The following AGAP1 variants were observed in gnomAD, a reference collection of about 807,000 sequenced individuals.
AGAP1 encodes arf-GAP with GTPase, ANK repeat and PH domain-containing protein 1.
A neutral mutation model predicts 105.3 loss-of-function variants in AGAP1; 29 were observed. That is an observed-to-expected ratio of 0.28 (90% CI 0.21 to 0.38). The LOEUF is 0.38. Among genes scored for constraint, AGAP1 ranks in the 10% least tolerant of loss-of-function variants. The pLI is 1.00. For synonymous variants in AGAP1, 509 were observed against 485.9 expected (o/e 1.05, Z -0.63); for missense variants, 998 against 1,165.1 (o/e 0.86, Z 2.09).
At chr2:235,955,417 G>A (rs1027099446) in intron 12 of AGAP1, among the ~76,000 whole-genome samples, 3 of 152,122 alleles carry the variant, frequency 2.0e-5, no homozygotes, top group African/African-American at 7.2e-5. Context: ...CGGCTCAGCA[G>A]CATGTATCCA....
intron 10 of AGAP1, among the ~76,000 whole-genome samples, chr2:235,895,046 A>G (rs1481492299): frequency 6.6e-6 from 1 of 152,184 alleles, no homozygotes; most frequent in South Asian, 2.1e-4. Flanking sequence ...TTCATCCAGA[A>G]TGACGCCAGA....
chr2:235,779,358 C>T (rs1299377818), intron 6 of AGAP1, among the ~76,000 whole-genome samples: 3 of 152,154 alleles, frequency 2.0e-5, no homozygotes, highest in Non-Finnish European at 2.9e-5. Context: ...TGAGGGGCCT[C>T]GGCCACTCTT....
chr2:235,643,021 G>T (rs1427955264), intron 1 of AGAP1, among the ~76,000 whole-genome samples: 3 of 152,096 alleles, frequency 2.0e-5, no homozygotes, highest in Non-Finnish European at 4.4e-5. Flanking sequence ...CTTGGGAGGA[G>T]AAAATACACA....
In AGAP1 at chr2:236,001,313, G is replaced by A. The variant is rs1319615366; in HGVS notation, c.1645+32690G>A. 2.0e-5 allele frequency among the ~76,000 whole-genome samples: 3 copies of A among 152,214 alleles called. No homozygotes were observed. Among genetic ancestry groups the A allele is most frequent in the Non-Finnish European group, 4.4e-5 (3 of 68,042 alleles). ...CCCAGAGGAGGAAACGCATTTTTGTGGTTTCACGCCACCCAGCGTGCGGTG... is the reference window on the plus strand; with the variant it reads ...CCCAGAGGAGGAAACGCATTTTTGTAGTTTCACGCCACCCAGCGTGCGGTG... On this transcript the variant is annotated intron_variant, in intron 13 of 17. Coordinates refer to ENST00000304032, the MANE Select transcript of AGAP1 (RefSeq NM_001037131.3). This position sits in a 1 kb window ranked among gnomAD's most constrained non-coding sequence, Gnocchi z 4.7.
At position 235,843,341 on chromosome 2, in the gene AGAP1, C is replaced by T. The variant is rs565444031; in HGVS notation, c.1050+36010C>T. 1.2e-4 allele frequency among the ~76,000 whole-genome samples: 19 copies of T among 152,256 alleles called. No homozygotes were observed. The South Asian group carries it at 2.3e-3, about 18-fold the overall frequency. ...TCTTTCCTTCCCTCCCTCTGTCCCA[C>T]GCTGTGTCCCTTTCTCTTCCTTTCT... On this transcript the variant is annotated intron_variant, in intron 9 of 17. Coordinates refer to ENST00000304032, the MANE Select transcript of AGAP1 (RefSeq NM_001037131.3). The surrounding 1 kb of genome is among the most constrained non-coding windows in gnomAD (Gnocchi z 5.9).
rs923115571 is a variant in AGAP1 at position 235,701,842 on chromosome 2, C to T, written c.164-7337C>T. Reference sequence around the variant, plus strand: ...CAGGCTGTGGCAGCCACAGCCTCCTCCGATGCTCCTCTCCTCTGTGGATGT... The same window carrying T: ...CAGGCTGTGGCAGCCACAGCCTCCTTCGATGCTCCTCTCCTCTGTGGATGT... On this transcript the variant is annotated intron_variant, in intron 1 of 17. Transcript: ENST00000304032. This position sits in a 1 kb window ranked among gnomAD's most constrained non-coding sequence, Gnocchi z 4.1. Among the ~76,000 whole-genome samples, 1 of 152,120 alleles carries T rather than the reference C, an allele frequency of 6.6e-6. No individual in the cohort carries two copies. The highest frequency in any genetic ancestry group is 1.5e-5 in the Non-Finnish European group (1 of 68,032).
At chr2:235,594,994 G>A (rs958102095) in intron 1 of AGAP1, among the ~76,000 whole-genome samples, 1 of 151,458 alleles carries the variant, frequency 6.6e-6, no homozygotes, top group Non-Finnish European at 1.5e-5. Context: ...CACCAGGCTG[G>A]CACTGGCAAG....
In AGAP1 at chr2:236,127,270, TCCCCC is replaced by T. The variant is rs2060018362; in HGVS notation, c.*3149_*3153del. On this transcript the variant is annotated 3_prime_UTR_variant, in exon 18 of 18. Coordinates refer to ENST00000304032, the MANE Select transcript of AGAP1 (RefSeq NM_001037131.3). This position sits in a 1 kb window ranked among gnomAD's most constrained non-coding sequence, Gnocchi z 6.6. The stretch of plus-strand genomic sequence containing the variant: ...CAGGTGCTGGGACGGGCAGATGGTT[TCCCCC>T]GCCCAGCACCCCAGTCCTGGTCCCT... 6.6e-6 allele frequency: 1 copy of T among 152,126 alleles called. No individual in the cohort carries two copies. Among genetic ancestry groups the T allele is most frequent in the African/African-American group, 2.4e-5 (1 of 41,434 alleles). The allele number at this position is 152,126 out of a possible 1,614,324, so 9.4% of individuals were successfully genotyped here.
In AGAP1 at chr2:235,872,245, A is replaced by G. The variant is rs1320902086; in HGVS notation, c.1051-11100A>G. ...GCAGCATCTGGTTCAGAGTGAGCCCAATATTGCATAGAAATAAAAAAAAAA... is the reference window on the plus strand; with the variant it reads ...GCAGCATCTGGTTCAGAGTGAGCCCGATATTGCATAGAAATAAAAAAAAAA... On this transcript the variant is annotated intron_variant, in intron 9 of 17. Coordinates refer to ENST00000304032, the MANE Select transcript of AGAP1 (RefSeq NM_001037131.3). The surrounding 1 kb of genome is among the most constrained non-coding windows in gnomAD (Gnocchi z 4.5). Among the ~76,000 whole-genome samples, 2 of 151,966 alleles carry G rather than the reference A, an allele frequency of 1.3e-5. No individual in the cohort carries two copies. The highest frequency in any genetic ancestry group is 4.8e-5 in the African/African-American group (2 of 41,252).
chr2:236,092,744 CTAAAAAGTTTAA>C lies in AGAP1; in HGVS notation c.2115-27447_2115-27436del, dbSNP rs2059096444. 6.6e-6 allele frequency among the ~76,000 whole-genome samples: 1 copy of C among 152,184 alleles called. No homozygotes were observed. The highest frequency in any genetic ancestry group is 6.5e-5 in the Admixed American group (1 of 15,278). On this transcript the variant is annotated intron_variant, in intron 16 of 17. Coordinates refer to ENST00000304032, the MANE Select transcript of AGAP1 (RefSeq NM_001037131.3). This position sits in a 1 kb window ranked among gnomAD's most constrained non-coding sequence, Gnocchi z 4.7. ...TACACAATTATTTCAAAAAAGCTTA[CTAAAAAGTTTAA>C]AACAATCAAGCAAAATAAAAGGTGG...
chr2:235,729,577 G>A lies in AGAP1; in HGVS notation c.311-11386G>A, dbSNP rs891807128. ...GTCTTGGTGCTTTCCAGCTCAGGGCGTTGGTCCACTTGGTTATTCTTGGGG... is the reference window on the plus strand; with the variant it reads ...GTCTTGGTGCTTTCCAGCTCAGGGCATTGGTCCACTTGGTTATTCTTGGGG... On this transcript the variant is annotated intron_variant, in intron 3 of 17. Transcript: ENST00000304032. This position sits in a 1 kb window ranked among gnomAD's most constrained non-coding sequence, Gnocchi z 5.0. Among the ~76,000 whole-genome samples the A allele has an allele frequency of 6.6e-6, 1 of 152,132 alleles. No individual in the cohort carries two copies. The highest frequency in any genetic ancestry group is 1.5e-5 in the Non-Finnish European group (1 of 68,030).
intron 5 of AGAP1, among the ~76,000 whole-genome samples, chr2:235,746,411 T>TTTTA (rs1472928758): frequency 8.8e-6 from 1 of 113,082 alleles, no homozygotes; most frequent in African/African-American, 3.2e-5. Flanking sequence ...TTTTTTTTTT[T>TTTTA]AAAGCGTACG....
At chr2:235,991,490 G>A (rs965963302) in intron 13 of AGAP1, among the ~76,000 whole-genome samples, 1 of 152,168 alleles carries the variant, frequency 6.6e-6, no homozygotes, top group Non-Finnish European at 1.5e-5. Context: ...TGGGAAGGTC[G>A]CTTGAGCCCA....
chr2:235,804,021 G>A (rs1046905378), intron 8 of AGAP1, among the ~76,000 whole-genome samples: 2 of 151,938 alleles, frequency 1.3e-5, no homozygotes, highest in East Asian at 2.0e-4. Flanking sequence ...AAATAAACAC[G>A]TGTGTACTCA....
chr2:235,707,715 G>T (rs965024683), intron 1 of AGAP1, among the ~76,000 whole-genome samples: 2 of 150,672 alleles, frequency 1.3e-5, no homozygotes, highest in African/African-American at 2.5e-5. Context: ...ATGGTGGGTT[G>T]TGCTCCCCCA....
chr2:235,764,536 C>G (rs2675135), intron 6 of AGAP1, among the ~76,000 whole-genome samples: 33,523 of 152,174 alleles, frequency 0.22, 4,700 homozygotes, highest in Admixed American at 0.38. Flanking sequence ...AGAACTCAGT[C>G]ACTGACAGGT....
rs906495944 is a variant in AGAP1, at chr2:235,951,278, T to C, written c.1484-17184T>C. On this transcript the variant is annotated intron_variant, in intron 12 of 17. Transcript: ENST00000304032. This position sits in a 1 kb window ranked among gnomAD's most constrained non-coding sequence, Gnocchi z 4.2. Reference sequence around the variant, plus strand: ...GTGGAGGTGTTGGTGGAGATAGTTATCCCAAGTAGAATACTCGATCGATGT... The same window carrying C: ...GTGGAGGTGTTGGTGGAGATAGTTACCCCAAGTAGAATACTCGATCGATGT... 9.2e-5 allele frequency among the ~76,000 whole-genome samples: 14 copies of C among 152,142 alleles called. No homozygotes were observed. Among genetic ancestry groups the C allele is most frequent in the Non-Finnish European group, 1.8e-4 (12 of 68,028 alleles).
At chr2:235,870,209 GTC>G (rs2049369955) in intron 9 of AGAP1, among the ~76,000 whole-genome samples, 1 of 152,000 alleles carries the variant, frequency 6.6e-6, no homozygotes, top group Admixed American at 6.5e-5. Flanking sequence ...TGGCCTTGTC[GTC>G]TACACCAGGT....
chr2:235,759,331 G>T (rs1575358419), intron 6 of AGAP1, among the ~76,000 whole-genome samples: 1 of 151,932 alleles, frequency 6.6e-6, no homozygotes, highest in East Asian at 1.9e-4. Context: ...ACCACGCCCG[G>T]CTAATTTTTT....
Sources: allele counts gnomAD v4.1 joint callset (sites outside exome capture counted in the v4.1 genomes callset), GRCh38; gene constraint gnomAD v4.1.1; non-coding constraint Gnocchi (gnomAD v3.1); transcripts MANE v1.5; gene names NCBI Gene and HGNC (gene_info 2026-07-23, HGNC 2026-07-21).